Variants in SPCS2 observed in about 807,000 individuals in gnomAD.
SPCS2 encodes SPase 25 kDa subunit.
A neutral mutation model predicts 22.3 loss-of-function variants in SPCS2; 3 were observed. That is an observed-to-expected ratio of 0.13 (90% confidence interval 0.06 to 0.35). SPCS2 has a LOEUF of 0.35. SPCS2 is among the 10% of genes least tolerant of loss of function. The probability of loss-of-function intolerance (pLI) is 1.00; values close to 1 mark genes in which losing one functional copy is unlikely to be tolerated. For missense variants in SPCS2, 169 were observed against 280.9 expected (o/e 0.60, Z 2.85); for synonymous variants, 67 against 97.2 (o/e 0.69, Z 1.83).
intron 3 of SPCS2, chr11:74,968,356 C>T (rs951221708): frequency 1.3e-5 from 2 of 152,080 alleles, no homozygotes; most frequent in African/African-American, 4.8e-5. Context: ...GGGTCTCACT[C>T]TGTTGCCCAG....
chr11:74,953,456 G>A (rs1478715006), intron 1 of SPCS2, among the ~76,000 whole-genome samples: 1 of 152,138 alleles, frequency 6.6e-6, no homozygotes, highest in Admixed American at 6.5e-5. Context: ...GCCTCCCAAA[G>A]TGCGGGGTTT....
At chr11:74,966,417 C>T (rs1948546276) in intron 3 of SPCS2, among the ~76,000 whole-genome samples, 1 of 152,298 alleles carries the variant, frequency 6.6e-6, no homozygotes, top group East Asian at 1.9e-4. Context: ...AGAACTTATT[C>T]TGGAGCTAGA....
chr11:74,965,961 T>A, intron 3 of SPCS2, 38 bp downstream of exon 3: 1 of 1,557,368 alleles, frequency 6.4e-7, no homozygotes, highest in Non-Finnish European at 8.7e-7. Flanking sequence ...TTCTAGTGAC[T>A]ATTTTTTTAA....
intron 4 of SPCS2, among the ~76,000 whole-genome samples, chr11:74,972,259 TCAC>T (rs1245574195): frequency 6.6e-6 from 1 of 152,164 alleles, no homozygotes; most frequent in Non-Finnish European, 1.5e-5. Flanking sequence ...AGATGGGGTT[TCAC>T]CATGTTGGCC....
rs1565489107 is a variant in SPCS2, at chr11:74,977,894, TAAC to T, written c.*856_*858del. On this transcript the variant is annotated 3_prime_UTR_variant, in exon 5 of 5. Coordinates refer to ENST00000263672, the MANE Select transcript of SPCS2 (RefSeq NM_014752.3). Reference sequence around the variant, plus strand: ...AGCTTTCCAGTGATAATAACAATAATAACAACATTCTGTACTTACTTTGTGCCA... The same window carrying T: ...AGCTTTCCAGTGATAATAACAATAATAACATTCTGTACTTACTTTGTGCCA... 6.6e-6 allele frequency: 1 copy of T among 152,112 alleles called. No individual in the cohort carries two copies. The highest frequency in any genetic ancestry group is 2.4e-5 in the African/African-American group (1 of 41,452). 9.4% of individuals were successfully genotyped at this position (152,112 alleles called of 1,614,324 possible). A position where few individuals can be genotyped will look rare whatever the true frequency, so the allele number is the denominator to read the frequency against.
chr11:74,965,832 A>G lies in SPCS2; in HGVS notation c.268A>G (p.Ile90Val), dbSNP rs1948541944. Reference sequence around the variant, plus strand: ...TGATGGTCGCCTCACCATCTGTACAATCTCCTGTTTCTTTGCCATAGTGGC... The same window carrying G: ...TGATGGTCGCCTCACCATCTGTACAGTCTCCTGTTTCTTTGCCATAGTGGC... ...LIDGRLTICT[I>V]SCFFAIVALI... is the part of the protein sequence containing the mutation. The change falls in exon 3 of 5, where the codon ATC (isoleucine) becomes GTC (valine). Residue 90 changes from isoleucine to valine, a missense_variant. This residue lies in a region of SPCS2 where 118 missense variants were observed against 243.1 expected (regional missense o/e 0.49). Transcript: ENST00000263672. 1.2e-6 allele frequency: 2 copies of G among 1,612,986 alleles called. No homozygotes were observed. The highest frequency in any genetic ancestry group is 1.7e-6 in the Non-Finnish European group (2 of 1,179,178).
intron 1 of SPCS2, 141 bp from the exon 2 acceptor site, chr11:74,964,892 GT>G: frequency 3.3e-6 from 2 of 600,026 alleles, no homozygotes; most frequent in Non-Finnish European, 5.7e-6. Flanking sequence ...AGAATAGCCT[GT>G]TTTGTCTTTT....
At position 74,965,823 on chromosome 11, in the gene SPCS2, A is replaced by G; in HGVS notation, c.259A>G (p.Ile87Val). The G allele has an allele frequency of 6.2e-7, 1 of 1,613,026 alleles. No individual in the cohort carries two copies. Among genetic ancestry groups the G allele is most frequent in the Non-Finnish European group, 8.5e-7 (1 of 1,179,210 alleles). ...NFGLIDGRLT[I>V]CTISCFFAIV... The stretch of plus-strand genomic sequence containing the variant: ...TGGTCTAATTGATGGTCGCCTCACC[A>G]TCTGTACAATCTCCTGTTTCTTTGC... Residue 87 changes from isoleucine to valine, a missense_variant, in exon 3 of 5, where the codon ATC becomes GTC. Coordinates refer to ENST00000263672, the MANE Select transcript of SPCS2 (RefSeq NM_014752.3).
At chr11:74,975,799 G>C (rs1424229052) in intron 4 of SPCS2, among the ~76,000 whole-genome samples, 3 of 152,144 alleles carry the variant, frequency 2.0e-5, no homozygotes, top group Admixed American at 6.5e-5. Flanking sequence ...AAAGCAGGTG[G>C]AAGTTCTCCC....
chr11:74,952,607 G>A (rs774737284), intron 1 of SPCS2, among the ~76,000 whole-genome samples: 13 of 151,992 alleles, frequency 8.6e-5, no homozygotes, highest in Non-Finnish European at 1.8e-4. Flanking sequence ...ATGAGCCACC[G>A]CACCCAGCTC....
intron 1 of SPCS2, among the ~76,000 whole-genome samples, chr11:74,958,386 C>G (rs1014430336): frequency 6.6e-6 from 1 of 152,184 alleles, no homozygotes; most frequent in Non-Finnish European, 1.5e-5. Context: ...AGAGCATAAT[C>G]TCTTTGAGAT....
chr11:74,964,066 C>T (rs1406300292), intron 1 of SPCS2, among the ~76,000 whole-genome samples: 1 of 152,184 alleles, frequency 6.6e-6, no homozygotes, highest in Non-Finnish European at 1.5e-5. Context: ...TATTTCTCTA[C>T]CCTGATAAGA....
intron 1 of SPCS2, among the ~76,000 whole-genome samples, chr11:74,951,129 T>C (rs547413521): frequency 6.6e-6 from 1 of 152,378 alleles, no homozygotes; most frequent in African/African-American, 2.4e-5. Context: ...ATTGTGTTAT[T>C]GAAAGAACCC....
intron 1 of SPCS2, among the ~76,000 whole-genome samples, chr11:74,960,838 C>T (rs900884910): frequency 1.3e-5 from 2 of 152,006 alleles, no homozygotes; most frequent in African/African-American, 2.4e-5. Flanking sequence ...TTAGCACATC[C>T]GTAGCACATG....
intron 1 of SPCS2, among the ~76,000 whole-genome samples, chr11:74,958,786 A>G (rs1948493699): frequency 6.6e-6 from 1 of 152,082 alleles, no homozygotes; most frequent in African/African-American, 2.4e-5. Context: ...TCTACCTCAG[A>G]ATACTCCCTT....
chr11:74,955,243 C>T (rs1240450554), intron 1 of SPCS2, among the ~76,000 whole-genome samples: 1 of 152,150 alleles, frequency 6.6e-6, no homozygotes, highest in African/African-American at 2.4e-5. Flanking sequence ...CCCAAGAGAA[C>T]TGAAAATGTG....
At chr11:74,971,104 A>G in intron 4 of SPCS2, among the ~76,000 whole-genome samples, 1 of 152,204 alleles carries the variant, frequency 6.6e-6, no homozygotes, top group Middle Eastern at 3.2e-3. Flanking sequence ...ATGGAATCAT[A>G]CAATATGTGG....
At chr11:74,976,531 G>A (rs541644009) in intron 4 of SPCS2, among the ~76,000 whole-genome samples, 5 of 152,196 alleles carry the variant, frequency 3.3e-5, no homozygotes, top group African/African-American at 1.2e-4. Flanking sequence ...AAGAGTCTGC[G>A]AGGAAAACCT....
At chr11:74,952,913 A>G (rs1269479068) in intron 1 of SPCS2, among the ~76,000 whole-genome samples, 1 of 151,902 alleles carries the variant, frequency 6.6e-6, no homozygotes, top group East Asian at 1.9e-4. Flanking sequence ...CTGTCACTTA[A>G]TATGACATAC....
Sources: gnomAD v4.1 joint callset for allele counts (sites outside exome capture counted in the v4.1 genomes callset) on GRCh38, gnomAD v4.1.1 for gene constraint, gnomAD v4.1.1 regional missense constraint, MANE v1.5 for transcripts, NCBI Gene and HGNC (gene_info 2026-07-23, HGNC 2026-07-21) for gene names.